CADM2: variants seen among roughly 807,000 people sequenced by gnomAD.
CADM2 encodes cell adhesion molecule 2, also known as immunoglobulin superfamily member 4D.
CADM2 carries 12 observed loss-of-function variants against 49.8 expected under a neutral mutation model. The ratio of observed to expected loss-of-function variants is 0.24; its 90% confidence interval spans 0.15 to 0.39. CADM2 has a LOEUF of 0.39. CADM2 is among the 10% of genes least tolerant of loss of function. The pLI is 1.00. For synonymous variants in CADM2, 214 were observed against 175.4 expected, an observed-to-expected ratio of 1.22 and a Z score of -1.74; for missense variants, 378 against 492.3, an observed-to-expected ratio of 0.77 and a Z score of 2.20.
chr3:85,117,274 A>G (rs1176794174), intron 1 of CADM2, among the ~76,000 whole-genome samples: 1 of 152,030 alleles, frequency 6.6e-6, no homozygotes, highest in Non-Finnish European at 1.5e-5. Context: ...TCTAAATATG[A>G]TGGTCAAAAG....
intron 5 of CADM2, among the ~76,000 whole-genome samples, chr3:85,902,568 A>G (rs1448959851): frequency 6.6e-6 from 1 of 151,770 alleles, no homozygotes; most frequent in Non-Finnish European, 1.5e-5. Context: ...TAATTGATAT[A>G]GGTTTATTTT....
intron 6 of CADM2, among the ~76,000 whole-genome samples, chr3:85,925,214 A>T (rs1470157293): frequency 6.6e-6 from 1 of 152,136 alleles, no homozygotes; most frequent in Non-Finnish European, 1.5e-5. Context: ...ATTGAGTTTG[A>T]ATTATTTTGA....
At chr3:85,606,905 T>C (rs1218623660) in intron 1 of CADM2, among the ~76,000 whole-genome samples, 1 of 152,122 alleles carries the variant, frequency 6.6e-6, no homozygotes, top group Non-Finnish European at 1.5e-5. Context: ...TTCAGGGTAT[T>C]ATTTTCAAAT....
chr3:85,584,280 T>A (rs573944601), intron 1 of CADM2, among the ~76,000 whole-genome samples: 3 of 152,150 alleles, frequency 2.0e-5, no homozygotes, highest in Admixed American at 2.0e-4. Context: ...ACTGATAATA[T>A]TCCACTGGGA....
At position 85,350,454 on chromosome 3, in the gene CADM2, T is replaced by C. The variant is rs558567395; in HGVS notation, c.62-376068T>C. ...TTACCTCCAAGCCCTGTACAGCCAGTATTTCTGCATCCTTCTACCATGTAC... is the reference window on the plus strand; with the variant it reads ...TTACCTCCAAGCCCTGTACAGCCAGCATTTCTGCATCCTTCTACCATGTAC... On this transcript the variant is annotated intron_variant, in intron 1 of 9. Transcript: ENST00000383699. 1.8e-3 allele frequency among the ~76,000 whole-genome samples: 272 copies of C among 152,296 alleles called. 2 individuals are homozygous for C. The highest frequency in any genetic ancestry group is 3.4e-3 in the Non-Finnish European group (230 of 68,014).
chr3:85,585,860 A>G (rs1576869697), intron 1 of CADM2, among the ~76,000 whole-genome samples: 1 of 152,150 alleles, frequency 6.6e-6, no homozygotes, highest in Admixed American at 6.6e-5. Flanking sequence ...TAAATGCCTC[A>G]TTTATTTCAC....
intron 1 of CADM2, among the ~76,000 whole-genome samples, chr3:85,234,375 G>A (rs1576179074): frequency 6.6e-6 from 1 of 152,030 alleles, no homozygotes; most frequent in African/African-American, 2.4e-5. Flanking sequence ...TTGAATTTCT[G>A]TATCTGCCTA....
chr3:85,322,392 CAT>C (rs1168232722), intron 1 of CADM2, among the ~76,000 whole-genome samples: 2 of 152,156 alleles, frequency 1.3e-5, no homozygotes, highest in South Asian at 2.1e-4. Flanking sequence ...CACTTGAACA[CAT>C]GTCTCATGCA....
At chr3:85,331,940 A>G (rs1418794853) in intron 1 of CADM2, among the ~76,000 whole-genome samples, 1 of 152,140 alleles carries the variant, frequency 6.6e-6, no homozygotes. Context: ...ATTTGCACAT[A>G]AATAAATCCT....
intron 1 of CADM2, among the ~76,000 whole-genome samples, chr3:85,411,870 A>G (rs2035672555): frequency 6.6e-6 from 1 of 152,200 alleles, no homozygotes; most frequent in South Asian, 2.1e-4. Context: ...TGGGGTCTCA[A>G]TCTTTCACCC....
At chr3:85,231,694 T>A (rs1366736578) in intron 1 of CADM2, among the ~76,000 whole-genome samples, 3 of 150,730 alleles carry the variant, frequency 2.0e-5, no homozygotes, top group African/African-American at 7.4e-5. Flanking sequence ...GGGAGTATTA[T>A]TAAGTTTCCT....
chr3:85,158,669 C>T (rs1222105584), intron 1 of CADM2, among the ~76,000 whole-genome samples: 2 of 151,986 alleles, frequency 1.3e-5, no homozygotes, highest in African/African-American at 4.8e-5. Flanking sequence ...GGAAGGGAAA[C>T]ATCACACTCT....
chr3:85,071,016 A>AAAT lies in CADM2; in HGVS notation c.61+111351_61+111353dup, dbSNP rs1455411811. Among the ~76,000 whole-genome samples the AAAT allele has an allele frequency of 4.6e-5, 7 of 150,750 alleles. No individual in the cohort carries two copies. In the Admixed American group the frequency reaches 4.6e-4, roughly 10 times the overall value. On this transcript the variant is annotated intron_variant, in intron 1 of 9. Transcript: ENST00000383699. The stretch of plus-strand genomic sequence containing the variant: ...TAAATAAATAAATAAATAAATAAAT[A>AAAT]AATAAACAAATAAATAAATAAATAA...
At chr3:85,848,747 A>T (rs756466960) in intron 3 of CADM2, among the ~76,000 whole-genome samples, 1 of 152,216 alleles carries the variant, frequency 6.6e-6, no homozygotes, top group Non-Finnish European at 1.5e-5. Flanking sequence ...AAACGCATAC[A>T]ACAGAATAAC....
intron 1 of CADM2, among the ~76,000 whole-genome samples, chr3:85,523,687 T>C (rs973387682): frequency 2.6e-5 from 4 of 152,022 alleles, no homozygotes; most frequent in African/African-American, 9.7e-5. Flanking sequence ...AGGAAACTGA[T>C]TTTATTATCT....
intron 1 of CADM2, among the ~76,000 whole-genome samples, chr3:85,486,311 T>G (rs920239881): frequency 1.3e-5 from 1 of 74,854 alleles, no homozygotes; most frequent in Non-Finnish European, 3.6e-5. Flanking sequence ...GGGGGAACAA[T>G]AGAAATAGAA....
chr3:85,188,029 CAT>C (rs752722694), intron 1 of CADM2, among the ~76,000 whole-genome samples: 21 of 151,736 alleles, frequency 1.4e-4, no homozygotes, highest in Non-Finnish European at 2.5e-4. Context: ...AATTATTTAA[CAT>C]ATAAATTAAT....
At chr3:86,055,914 T>C (rs1264804546) in intron 8 of CADM2, among the ~76,000 whole-genome samples, 1 of 152,160 alleles carries the variant, frequency 6.6e-6, no homozygotes, top group East Asian at 1.9e-4. Flanking sequence ...GAAATACTAT[T>C]TGAGATCTCT....
chr3:85,791,865 A>C (rs1377788712), intron 2 of CADM2, among the ~76,000 whole-genome samples: 1 of 152,066 alleles, frequency 6.6e-6, no homozygotes, highest in African/African-American at 2.4e-5. Flanking sequence ...CTGGGACTAC[A>C]GGCGCCCTCC....
Sources: allele counts gnomAD v4.1 joint callset (sites outside exome capture counted in the v4.1 genomes callset), GRCh38; gene constraint gnomAD v4.1.1; transcripts MANE v1.5; gene names NCBI Gene and HGNC (gene_info 2026-07-23, HGNC 2026-07-21).